The following IQCK variants were observed in gnomAD, a reference collection of about 807,000 sequenced individuals.
IQCK encodes the protein IQ motif containing K.
A neutral mutation model predicts 28.1 loss-of-function variants in IQCK; 29 were observed. The observed-to-expected ratio is 1.03, with a 90% CI of 0.77 to 1.41. The LOEUF (loss-of-function observed/expected upper bound fraction) is 1.41, where lower values mean the gene tolerates loss of function less well. Among genes scored for constraint, IQCK ranks in the 40% most tolerant of loss-of-function variants. The pLI, the probability that IQCK is intolerant of heterozygous loss-of-function variation, is 0.00. For missense variants in IQCK, 359 were observed against 314.7 expected (o/e 1.14, Z -1.07); for synonymous variants, 113 against 115.1 (o/e 0.98, Z 0.12).
chr16:19,724,172 C>T (rs565326456), intron 1 of IQCK, among the ~76,000 whole-genome samples: 3 of 152,256 alleles, frequency 2.0e-5, no homozygotes, highest in Admixed American at 2.0e-4. Flanking sequence ...CCTGGAACAT[C>T]CCTACCTTCT....
chr16:19,727,060 G>A (rs955636767), intron 1 of IQCK, among the ~76,000 whole-genome samples: 1 of 151,566 alleles, frequency 6.6e-6, no homozygotes. Context: ...GAAGCTAGGA[G>A]GCAGAGGTCA....
chr16:19,730,534 T>A (rs1295400008), intron 2 of IQCK, 40 bp downstream of exon 2: 1 of 1,446,952 alleles, frequency 6.9e-7, no homozygotes, highest in South Asian at 1.3e-5. Context: ...AAGAAGCTCT[T>A]AAATGAGAAT....
chr16:19,773,840 G>A (rs893805994), intron 6 of IQCK, among the ~76,000 whole-genome samples: 5 of 152,190 alleles, frequency 3.3e-5, no homozygotes, highest in Non-Finnish European at 5.9e-5. Flanking sequence ...AAAGATGGAA[G>A]GAGAGAAAAG....
intron 2 of IQCK, among the ~76,000 whole-genome samples, chr16:19,733,339 A>G (rs2151682876): frequency 6.6e-6 from 1 of 152,052 alleles, no homozygotes. Context: ...GGATTTCACC[A>G]TGTTGGCCAG....
intron 7 of IQCK, among the ~76,000 whole-genome samples, chr16:19,810,502 A>C (rs2141066353): frequency 6.8e-6 from 1 of 147,260 alleles, no homozygotes; most frequent in African/African-American, 2.5e-5. Flanking sequence ...GTCTCAAAAA[A>C]AAAAAAAGAA....
At chr16:19,820,136 T>C (rs2056050066) in intron 7 of IQCK, among the ~76,000 whole-genome samples, 2 of 152,004 alleles carry the variant, frequency 1.3e-5, no homozygotes, top group Non-Finnish European at 2.9e-5. Flanking sequence ...GAAGAAAACA[T>C]AGGGATAAAT....
In IQCK at chr16:19,755,779, T is replaced by C. The variant is rs555121798; in HGVS notation, c.475-8069T>C. On this transcript the variant is annotated intron_variant, in intron 4 of 7. Transcript: ENST00000564186. ...CTCCCTGTGGTAGAAGAGATTATAC[T>C]TCAGAAATATTTTTGGCCTCTCCCT... 2.0e-5 allele frequency among the ~76,000 whole-genome samples: 3 copies of C among 152,344 alleles called. No homozygotes were observed. The South Asian group carries it at 6.2e-4, about 32-fold the overall frequency.
intron 6 of IQCK, among the ~76,000 whole-genome samples, chr16:19,781,212 C>A (rs62025019): frequency 0.15 from 22,750 of 152,144 alleles, 1,924 homozygotes; most frequent in South Asian, 0.27. Flanking sequence ...ATACCACAAT[C>A]TGGGAATATT....
Position 19,813,993 on chromosome 16 carries a change from G to A in IQCK, c.691-13033G>A, listed in dbSNP as rs372904543. ...CAGCACTTTGGGAGGCCAGGGTGGC[G>A]GATCACTTGAGGTCAGGAGTTCGAG... On this transcript the variant is annotated intron_variant, in intron 7 of 7. Coordinates refer to ENST00000564186, the Ensembl canonical transcript of IQCK. 3.3e-5 allele frequency among the ~76,000 whole-genome samples: 5 copies of A among 151,820 alleles called. No individual in the cohort carries two copies. In the East Asian group the frequency reaches 5.8e-4, roughly 18 times the overall value.
intron 6 of IQCK, among the ~76,000 whole-genome samples, chr16:19,773,660 G>A (rs899210944): frequency 6.6e-5 from 10 of 152,190 alleles, no homozygotes; most frequent in Admixed American, 3.3e-4. Context: ...AATGGGTGTG[G>A]CTGTGTTCCA....
At chr16:19,852,638 T>G (rs2056498555) in intron 9 of IQCK, among the ~76,000 whole-genome samples, 1 of 150,264 alleles carries the variant, frequency 6.7e-6, no homozygotes, top group African/African-American at 2.4e-5. Flanking sequence ...TTTTTTTTTT[T>G]TTGAGATGGA....
At chr16:19,829,898 C>T (rs1468286940), downstream of IQCK, among the ~76,000 whole-genome samples, 2 of 152,164 alleles carry the variant, frequency 1.3e-5, no homozygotes, top group Non-Finnish European at 2.9e-5. Context: ...ATGTAACCTG[C>T]ATGAAATAAT....
chr16:19,736,709 C>T (rs1978025680), intron 4 of IQCK, among the ~76,000 whole-genome samples: 1 of 152,176 alleles, frequency 6.6e-6, no homozygotes, highest in South Asian at 2.1e-4. Flanking sequence ...TCCATTATTG[C>T]AGTTGCTCTC....
At chr16:19,818,760 G>A (rs2056024081) in intron 7 of IQCK, among the ~76,000 whole-genome samples, 1 of 152,038 alleles carries the variant, frequency 6.6e-6, no homozygotes, top group Non-Finnish European at 1.5e-5. Context: ...ACTTCCATTT[G>A]TAAGTTTAGC....
intron 9 of IQCK, among the ~76,000 whole-genome samples, chr16:19,847,392 C>T (rs1360732792): frequency 1.3e-5 from 2 of 152,164 alleles, no homozygotes; most frequent in Admixed American, 6.5e-5. Context: ...TGCAGTGCTC[C>T]GTGAAATTCT....
intron 4 of IQCK, among the ~76,000 whole-genome samples, chr16:19,737,630 C>A (rs949371753): frequency 6.6e-6 from 1 of 152,160 alleles, no homozygotes; most frequent in Admixed American, 6.5e-5. Context: ...CATTTGACAA[C>A]AGTAGATCCA....
intron 4 of IQCK, among the ~76,000 whole-genome samples, chr16:19,763,100 A>G (rs954479060): frequency 6.6e-6 from 1 of 152,192 alleles, no homozygotes; most frequent in Non-Finnish European, 1.5e-5. Flanking sequence ...TAACAGTCAC[A>G]CAAATTTTGT....
At chr16:19,753,798 T>C (rs998781063) in intron 4 of IQCK, among the ~76,000 whole-genome samples, 1 of 151,978 alleles carries the variant, frequency 6.6e-6, no homozygotes, top group Non-Finnish European at 1.5e-5. Flanking sequence ...GCTTGGCCTC[T>C]AGCAGAGTCA....
chr16:19,812,610 A>C (rs1007068102), intron 7 of IQCK, among the ~76,000 whole-genome samples: 42 of 152,290 alleles, frequency 2.8e-4, no homozygotes, highest in African/African-American at 9.6e-4. Flanking sequence ...TGACCCCTGG[A>C]TAAGAGATAT....
Sources: allele counts gnomAD v4.1 joint callset (sites outside exome capture counted in the v4.1 genomes callset), GRCh38; gene constraint gnomAD v4.1.1; transcripts MANE v1.5; gene names NCBI Gene and HGNC (gene_info 2026-07-23, HGNC 2026-07-21).